The following TSPAN7 variants were observed in gnomAD, a reference collection of about 807,000 sequenced individuals.
TSPAN7 encodes tetraspanin-7.
In TSPAN7, 1 loss-of-function variant was observed where a neutral mutation model predicts 17.6. That is an observed-to-expected ratio of 0.06 (90% CI 0.02 to 0.27). TSPAN7 has a LOEUF of 0.27. Ranked by LOEUF, TSPAN7 falls within the 10% of genes least tolerant of loss-of-function variation. The probability of loss-of-function intolerance (pLI) is 1.00; values close to 1 mark genes in which losing one functional copy is unlikely to be tolerated. For missense variants in TSPAN7, 112 were observed against 201.7 expected, an observed-to-expected ratio of 0.56 and a Z score of 2.69; for synonymous variants, 78 against 79.0, an observed-to-expected ratio of 0.99 and a Z score of 0.07.
intron 1 of TSPAN7, among the ~76,000 whole-genome samples, chrX:38,565,757 G>C (rs2069139572): frequency 1.8e-5 from 2 of 112,018 alleles, no homozygotes; most frequent in Admixed American, 1.9e-4. Context: ...AGAGATTATT[G>C]TTTTATCTGG....
At chrX:38,643,643 T>C (rs1278561316) in intron 1 of TSPAN7, among the ~76,000 whole-genome samples, 2 of 94,792 alleles carry the variant, frequency 2.1e-5, no homozygotes, top group Non-Finnish European at 4.1e-5. Flanking sequence ...AAGACCATCC[T>C]GGCTAACACA....
intron 1 of TSPAN7, among the ~76,000 whole-genome samples, chrX:38,566,694 A>C (rs1033974359): frequency 9.0e-6 from 1 of 111,716 alleles, no homozygotes; most frequent in Non-Finnish European, 1.9e-5. Flanking sequence ...TGGTTATTTA[A>C]ATTTTTAATT....
In TSPAN7 at chrX:38,687,617, G is replaced by T. The variant is rs756823240; in HGVS notation, c.700G>T (p.Ala234Ser). Reference sequence around the variant, plus strand: ...GCAACAGTTAATTGGCATGCTGCTGGCCTGCTGTCTGTCCCGGTTCATCAC... The same window carrying T: ...GCAACAGTTAATTGGCATGCTGCTGTCCTGCTGTCTGTCCCGGTTCATCAC... ...AFSQLIGMLL[A>S]CCLSRFITAN... The change falls in exon 7 of 8, where the codon GCC becomes TCC. Residue 234 changes from alanine (A) to serine (S), a missense_variant. By Grantham distance (99) the Ala-to-Ser change is moderately conservative. Transcript: ENST00000378482. The T allele has an allele frequency of 8.3e-7, 1 of 1,210,909 alleles. No homozygotes were observed. The highest frequency in any genetic ancestry group is 1.1e-6 in the Non-Finnish European group (1 of 895,148).
chrX:38,681,351 G>T (rs1336665574), intron 6 of TSPAN7, 64 bp downstream of exon 6: 2 of 971,953 alleles, frequency 2.1e-6, no homozygotes, highest in Admixed American at 4.4e-5. Flanking sequence ...CTGGCCTCCA[G>T]ATTCTCTGCC....
chrX:38,642,337 T>C (rs1407809939), intron 1 of TSPAN7, among the ~76,000 whole-genome samples: 1 of 111,813 alleles, frequency 8.9e-6, no homozygotes, highest in Non-Finnish European at 1.9e-5. Flanking sequence ...CCACCCAATC[T>C]CCCAGTGGGT....
chrX:38,597,916 A>C (rs1380149989), intron 1 of TSPAN7, among the ~76,000 whole-genome samples: 1 of 111,531 alleles, frequency 9.0e-6, no homozygotes, highest in Non-Finnish European at 1.9e-5. Context: ...AGTATTTGGA[A>C]GGTTTCTTGG....
rs1192250171 is a variant in TSPAN7, at chrX:38,607,767, A to C, written c.81+46140A>C. Among the ~76,000 whole-genome samples, 3 of 109,856 alleles carry C rather than the reference A, an allele frequency of 2.7e-5. No individual in the cohort carries two copies. In the Admixed American group the frequency reaches 2.9e-4, roughly 11 times the overall value. ...CGATTGAACTTGCCCAACCATTTTT[A>C]GGACTCACCTTCTTCCTGATTCTGC... is the stretch of plus-strand genomic sequence containing the variant. On this transcript the variant is annotated intron_variant, in intron 1 of 7. Coordinates refer to ENST00000378482, the MANE Select transcript of TSPAN7 (RefSeq NM_004615.4).
intron 1 of TSPAN7, among the ~76,000 whole-genome samples, chrX:38,656,513 G>A (rs758340978): frequency 2.7e-5 from 3 of 111,306 alleles, no homozygotes; most frequent in East Asian, 2.8e-4. Flanking sequence ...GCACTCACAC[G>A]GCCTTAGTGT....
At chrX:38,647,698 CT>C (rs2069652192) in intron 1 of TSPAN7, among the ~76,000 whole-genome samples, 1 of 109,724 alleles carries the variant, frequency 9.1e-6, no homozygotes, top group African/African-American at 3.3e-5. Context: ...ACTGAACAGG[CT>C]TTCTTTTAGC....
chrX:38,660,948 G>A (rs1314523256), intron 1 of TSPAN7, among the ~76,000 whole-genome samples: 1 of 111,963 alleles, frequency 8.9e-6, no homozygotes, highest in East Asian at 2.8e-4. Flanking sequence ...TTTAGTGAGA[G>A]GAAATAAGGA....
chrX:38,569,200 G>T (rs1355250706), intron 1 of TSPAN7, among the ~76,000 whole-genome samples: 2 of 111,000 alleles, frequency 1.8e-5, no homozygotes, highest in Non-Finnish European at 3.8e-5. Flanking sequence ...TGGGTGATTT[G>T]GCTGGGCAGT....
At chrX:38,609,514 T>A (rs2069405858) in intron 1 of TSPAN7, among the ~76,000 whole-genome samples, 1 of 110,564 alleles carries the variant, frequency 9.0e-6, no homozygotes, top group Admixed American at 9.7e-5. Flanking sequence ...TAGGACTGCA[T>A]TCAGTTTTGA....
chrX:38,646,251 G>A, intron 1 of TSPAN7: 8 of 1,150,260 alleles, frequency 7.0e-6, no homozygotes, highest in Non-Finnish European at 9.2e-6. Context: ...TGTATTACAT[G>A]TTCATAAAAG....
chrX:38,675,484 C>G (rs2147454895), intron 4 of TSPAN7, among the ~76,000 whole-genome samples: 1 of 111,514 alleles, frequency 9.0e-6, no homozygotes, highest in Non-Finnish European at 1.9e-5. Flanking sequence ...AATAAGAAAG[C>G]CAATGTGATA....
At chrX:38,627,792 T>C (rs1234602575) in intron 1 of TSPAN7, among the ~76,000 whole-genome samples, 2 of 113,349 alleles carry the variant, frequency 1.8e-5, no homozygotes, top group African/African-American at 3.2e-5. Flanking sequence ...GGCACAGATA[T>C]ACATATGTAT....
At chrX:38,581,504 C>G (rs2069226795) in intron 1 of TSPAN7, among the ~76,000 whole-genome samples, 1 of 111,326 alleles carries the variant, frequency 9.0e-6, no homozygotes, top group Admixed American at 9.5e-5. Flanking sequence ...ACCCCCCCCT[C>G]ATGATTCAAT....
At chrX:38,671,227 G>A (rs1201275038) in intron 2 of TSPAN7, 149 bp from the exon 3 acceptor site, 2 of 573,602 alleles carry the variant, frequency 3.5e-6, no homozygotes, top group Admixed American at 5.1e-5. Context: ...GGTAAATTTA[G>A]AGACGAATGT....
chrX:38,656,741 T>G (rs2069707665), intron 1 of TSPAN7, among the ~76,000 whole-genome samples: 1 of 112,103 alleles, frequency 8.9e-6, no homozygotes, highest in African/African-American at 3.2e-5. Flanking sequence ...ATGAGCTATA[T>G]TCATATAGTC....
intron 1 of TSPAN7, among the ~76,000 whole-genome samples, chrX:38,582,073 C>T: frequency 8.9e-6 from 1 of 112,403 alleles, no homozygotes; most frequent in Non-Finnish European, 1.9e-5. Context: ...CCTGAACCTG[C>T]TTTCAGAAAA....
Sources: gnomAD v4.1 joint callset for allele counts (sites outside exome capture counted in the v4.1 genomes callset) on GRCh38, gnomAD v4.1.1 for gene constraint, MANE v1.5 for transcripts, NCBI Gene and HGNC (gene_info 2026-07-23, HGNC 2026-07-21) for gene names.